WWOX: variants seen among roughly 807,000 people sequenced by gnomAD.
The protein encoded by WWOX is WW domain containing oxidoreductase.
A neutral mutation model predicts 46.2 loss-of-function variants in WWOX; 69 were observed. The observed-to-expected ratio is 1.49, with a 90% CI of 1.23 to 1.82. The LOEUF (loss-of-function observed/expected upper bound fraction) is 1.82, where lower values mean the gene tolerates loss of function less well. Ranked by LOEUF, WWOX falls within the 40% of genes most tolerant of loss-of-function variation. WWOX has a pLI of 0.00. For missense variants in WWOX, 919 were observed against 542.6 expected (o/e 1.69, Z -6.89); for synonymous variants, 359 against 202.6 (o/e 1.77, Z -6.56).
At chr16:78,972,930 CTGAG>C (rs1468291991) in intron 8 of WWOX, among the ~76,000 whole-genome samples, 1 of 152,124 alleles carries the variant, frequency 6.6e-6, no homozygotes, top group East Asian at 1.9e-4. Flanking sequence ...GACCGAAGGG[CTGAG>C]TAATTGACAA....
At chr16:79,129,380 C>T (rs931440981) in intron 8 of WWOX, among the ~76,000 whole-genome samples, 2 of 147,752 alleles carry the variant, frequency 1.4e-5, no homozygotes, top group Non-Finnish European at 3.0e-5. Flanking sequence ...TGTTATGATG[C>T]AGTCTATCTC....
intron 5 of WWOX, among the ~76,000 whole-genome samples, chr16:78,219,711 C>G (rs140203346): frequency 1.3e-5 from 2 of 152,120 alleles, no homozygotes; most frequent in Admixed American, 1.3e-4. Context: ...TCTGTTACCA[C>G]GACGAATACT....
rs556840607 is a variant in WWOX, at chr16:78,748,822, C to G, written c.1056+316070C>G. ...TGACACGGCAAACACAGATGCTGCC[C>G]AAATCCTTGTAAAGCCATATATCTT... On this transcript the variant is annotated intron_variant, in intron 8 of 8. Coordinates refer to ENST00000566780, the MANE Select transcript of WWOX (RefSeq NM_016373.4). 2.6e-5 allele frequency among the ~76,000 whole-genome samples: 4 copies of G among 152,226 alleles called. No individual in the cohort carries two copies. The East Asian group carries it at 5.8e-4, about 22-fold the overall frequency.
chr16:78,950,162 C>A (rs532583384), intron 8 of WWOX, among the ~76,000 whole-genome samples: 2 of 152,112 alleles, frequency 1.3e-5, no homozygotes, highest in Non-Finnish European at 2.9e-5. Context: ...TCTCACTTTT[C>A]CCTTCTTGAT....
chr16:78,106,411 G>GTTTTT lies in WWOX; in HGVS notation c.108-2007_108-2003dup, dbSNP rs998219778. Among the ~76,000 whole-genome samples, 105 of 123,698 alleles carry GTTTTT rather than the reference G, an allele frequency of 8.5e-4. 7 individuals are homozygous for GTTTTT. The highest frequency in any genetic ancestry group is 1.1e-3 in the Non-Finnish European group (66 of 59,024). 81.2% of individuals were successfully genotyped at this position (123,698 alleles called of 152,430 possible). The stretch of plus-strand genomic sequence containing the variant: ...ACTAGAGAGCCAGAGAGTCAGAACG[G>GTTTTT]TTTTTTTTTGTTTTTTTTTTTTTTT... On this transcript the variant is annotated intron_variant, in intron 1 of 8. Transcript: ENST00000566780.
In WWOX at chr16:79,030,310, G is replaced by T. The variant is rs532826761; in HGVS notation, c.1057-181298G>T. 5.3e-5 allele frequency among the ~76,000 whole-genome samples: 8 copies of T among 152,266 alleles called. No homozygotes were observed. The South Asian group carries it at 1.7e-3, about 32-fold the overall frequency. On this transcript the variant is annotated intron_variant, in intron 8 of 8. Transcript: ENST00000566780. ...TCTTCATTAGGGTTTCTCTCCTCCA[G>T]TGCGTACGCAGATCTTCTGAAAAGG... is the stretch of plus-strand genomic sequence containing the variant.
At chr16:78,118,746 A>G (rs1270248314) in intron 4 of WWOX, among the ~76,000 whole-genome samples, 1 of 152,144 alleles carries the variant, frequency 6.6e-6, no homozygotes, top group Admixed American at 6.5e-5. Flanking sequence ...AAGTGATATC[A>G]CCCTAACATT....
At chr16:78,952,358 T>C (rs1373602007) in intron 8 of WWOX, among the ~76,000 whole-genome samples, 1 of 151,670 alleles carries the variant, frequency 6.6e-6, no homozygotes. Flanking sequence ...GCTGCAGTTT[T>C]ACATTTTTGT....
At chr16:78,195,571 C>G (rs2036022226) in intron 5 of WWOX, among the ~76,000 whole-genome samples, 1 of 152,032 alleles carries the variant, frequency 6.6e-6, no homozygotes, top group South Asian at 2.1e-4. Flanking sequence ...CCTGTAATCT[C>G]AGCACTTTGG....
intron 8 of WWOX, among the ~76,000 whole-genome samples, chr16:78,928,359 C>T (rs942204106): frequency 6.6e-5 from 10 of 151,630 alleles, no homozygotes; most frequent in South Asian, 2.1e-4. Flanking sequence ...CCCGCTACCA[C>T]GCCCGGCTAA....
rs115856535 is a variant in WWOX at position 78,547,758 on chromosome 16, G to A, written c.1056+115006G>A. Among the ~76,000 whole-genome samples the A allele has an allele frequency of 1.5e-3, 227 of 152,124 alleles. 2 individuals are homozygous for A. Among genetic ancestry groups the A allele is most frequent in the African/African-American group, 5.3e-3 (219 of 41,514 alleles). ...GGAGGGGCAAAGGGTCTCTCTATCT[G>A]GCCTCTTTTAAGCCCTTAACCCATT... On this transcript the variant is annotated intron_variant, in intron 8 of 8. Transcript: ENST00000566780.
chr16:78,959,668 G>T (rs945191573), intron 8 of WWOX, among the ~76,000 whole-genome samples: 4 of 152,096 alleles, frequency 2.6e-5, no homozygotes, highest in African/African-American at 9.7e-5. Flanking sequence ...AAATTTGTCG[G>T]ATAGACTGCA....
At chr16:78,326,570 T>TCCCCCC (rs1287342811) in intron 5 of WWOX, among the ~76,000 whole-genome samples, 3 of 10,008 alleles carry the variant, frequency 3.0e-4, no homozygotes, top group African/African-American at 6.7e-4. Flanking sequence ...CTGCCTGCCC[T>TCCCCCC]CCCCCCGCCC....
intron 5 of WWOX, among the ~76,000 whole-genome samples, chr16:78,340,776 T>C (rs781271317): frequency 8.4e-6 from 1 of 118,362 alleles, no homozygotes; most frequent in Admixed American, 8.3e-5. Flanking sequence ...GCTAGAGTTC[T>C]AGAGCCAAGT....
chr16:78,800,279 T>C (rs2050852400), intron 8 of WWOX, among the ~76,000 whole-genome samples: 1 of 152,030 alleles, frequency 6.6e-6, no homozygotes, highest in South Asian at 2.1e-4. Context: ...TCAGCCACAG[T>C]ATTTCAGACA....
At chr16:79,044,024 C>T (rs937847980) in intron 8 of WWOX, among the ~76,000 whole-genome samples, 3 of 152,322 alleles carry the variant, frequency 2.0e-5, no homozygotes, top group Non-Finnish European at 2.9e-5. Context: ...GTGCTCTCTC[C>T]TAGAGCCAGG....
intron 8 of WWOX, among the ~76,000 whole-genome samples, chr16:78,918,834 C>T (rs1455836892): frequency 2.6e-5 from 4 of 152,092 alleles, no homozygotes; most frequent in Admixed American, 6.6e-5. Flanking sequence ...CTTTCCTTTG[C>T]GGGGTCTCAC....
chr16:78,564,098 C>T (rs1161190789), intron 8 of WWOX, among the ~76,000 whole-genome samples: 1 of 152,232 alleles, frequency 6.6e-6, no homozygotes, highest in Non-Finnish European at 1.5e-5. Context: ...AGCCAACCTA[C>T]AGACGCAACT....
At chr16:78,464,954 G>A (rs1468130874) in intron 8 of WWOX, among the ~76,000 whole-genome samples, 1 of 152,166 alleles carries the variant, frequency 6.6e-6, no homozygotes, top group Non-Finnish European at 1.5e-5. Context: ...GGCTGGGGAG[G>A]CCTCAAAATT....
Sources: gnomAD v4.1 joint callset for allele counts (sites outside exome capture counted in the v4.1 genomes callset) on GRCh38, gnomAD v4.1.1 for gene constraint, MANE v1.5 for transcripts, NCBI Gene and HGNC (gene_info 2026-07-23, HGNC 2026-07-21) for gene names.